FOCAD: variants seen among roughly 807,000 people sequenced by gnomAD.
FOCAD encodes focadhesin, also known as KIAA1797.
In FOCAD, 198 loss-of-function variants were observed where a neutral mutation model predicts 225.6. The ratio of observed to expected loss-of-function variants is 0.88; its 90% CI spans 0.78 to 0.99. The LOEUF is 0.99. FOCAD is among the 50% of genes least tolerant of loss of function. FOCAD has a pLI of 0.00. For synonymous variants in FOCAD, 897 were observed against 755.0 expected (o/e 1.19, Z -3.08); for missense variants, 2,713 against 2,123.6 (o/e 1.28, Z -5.46).
intron 11 of FOCAD, among the ~76,000 whole-genome samples, chr9:20,800,674 C>G (rs894787258): frequency 4.6e-5 from 7 of 152,118 alleles, no homozygotes; most frequent in Admixed American, 3.9e-4. Context: ...TCAAATAGTT[C>G]TCGTGCCGTG....
chr9:20,917,906 G>A (rs1281503724), intron 24 of FOCAD, among the ~76,000 whole-genome samples: 1 of 152,182 alleles, frequency 6.6e-6, no homozygotes, highest in Non-Finnish European at 1.5e-5. Flanking sequence ...TCAGTCTCAT[G>A]TCTTCTGGAT....
rs373037359 is a variant in FOCAD at position 20,764,822 on chromosome 9, T to C, written c.495-47T>C. 7.0e-5 allele frequency: 101 copies of C among 1,437,556 alleles called. No individual in the cohort carries two copies. In the African/African-American group the frequency reaches 1.3e-3, roughly 19 times the overall value. The allele number at this position is 1,437,556 out of a possible 1,614,324, so 89.1% of individuals were successfully genotyped here. ...TGATATTTGCCACTTACCTGCTTGATAGTGTGTTTAACTCAATAACTGGCT... is the reference window on the plus strand; with the variant it reads ...TGATATTTGCCACTTACCTGCTTGACAGTGTGTTTAACTCAATAACTGGCT... On this transcript the variant is annotated intron_variant, in intron 6 of 43. Coordinates refer to ENST00000338382, the MANE Select transcript of FOCAD (RefSeq NM_001375567.1).
chr9:20,929,706 C>A, intron 27 of FOCAD, 110 bp downstream of exon 27: 1 of 841,130 alleles, frequency 1.2e-6, no homozygotes, highest in Non-Finnish European at 1.9e-6. Context: ...TATGTGTTTG[C>A]TAAACTTTCT....
chr9:20,943,122 C>G (rs528416982), intron 28 of FOCAD, among the ~76,000 whole-genome samples: 5 of 152,170 alleles, frequency 3.3e-5, no homozygotes, highest in African/African-American at 1.2e-4. Flanking sequence ...GCTTTACATT[C>G]ATATTAATCA....
intron 2 of FOCAD, among the ~76,000 whole-genome samples, chr9:20,670,718 C>T (rs1386602129): frequency 6.6e-6 from 1 of 152,068 alleles, no homozygotes; most frequent in Non-Finnish European, 1.5e-5. Context: ...ACCATATCAT[C>T]TGTATTTTAT....
chr9:20,946,554 C>A (rs1837199919), intron 29 of FOCAD, 147 bp from the exon 30 acceptor site: 3 of 737,132 alleles, frequency 4.1e-6, no homozygotes, highest in South Asian at 1.9e-5. Flanking sequence ...ATAAGTTAGG[C>A]AGAAAAACAG....
At chr9:20,747,494 T>C (rs925116073) in intron 5 of FOCAD, among the ~76,000 whole-genome samples, 14 of 152,134 alleles carry the variant, frequency 9.2e-5, no homozygotes, top group Admixed American at 2.6e-4. Flanking sequence ...GTCAGTAGAT[T>C]TTATTATAGT....
At chr9:20,672,552 G>A (rs1178488220) in intron 2 of FOCAD, among the ~76,000 whole-genome samples, 1 of 152,160 alleles carries the variant, frequency 6.6e-6, no homozygotes, top group African/African-American at 2.4e-5. Context: ...CCGGGCTCAC[G>A]CCATTCTCCT....
At chr9:20,877,908 A>AC (rs1340300140) in intron 19 of FOCAD, among the ~76,000 whole-genome samples, 17 of 146,156 alleles carry the variant, frequency 1.2e-4, no homozygotes, top group South Asian at 2.1e-4. Context: ...TCCATCTCAA[A>AC]AAAACAAACA....
intron 18 of FOCAD, among the ~76,000 whole-genome samples, chr9:20,869,226 A>G (rs1288732436): frequency 6.6e-6 from 1 of 152,180 alleles, no homozygotes; most frequent in Non-Finnish European, 1.5e-5. Context: ...TGGTTTACAC[A>G]CAAGACTTAA....
chr9:20,805,619 T>A (rs1220294064), intron 11 of FOCAD, among the ~76,000 whole-genome samples: 1 of 152,174 alleles, frequency 6.6e-6, no homozygotes, highest in Non-Finnish European at 1.5e-5. Context: ...GCTTTCTTAT[T>A]TTATTGCCCA....
chr9:20,799,895 G>T (rs1209565687), intron 11 of FOCAD, among the ~76,000 whole-genome samples: 1 of 152,104 alleles, frequency 6.6e-6, no homozygotes, highest in East Asian at 1.9e-4. Flanking sequence ...TCATTATGAT[G>T]TTAGCTGGTT....
At chr9:20,799,653 A>G (rs1330673203) in intron 11 of FOCAD, among the ~76,000 whole-genome samples, 11 of 151,998 alleles carry the variant, frequency 7.2e-5, no homozygotes, top group Admixed American at 6.6e-4. Context: ...TGTTTTATCC[A>G]AGACTAGGAT....
intron 15 of FOCAD, among the ~76,000 whole-genome samples, chr9:20,826,616 T>C (rs1824918173): frequency 6.6e-6 from 1 of 152,126 alleles, no homozygotes; most frequent in African/African-American, 2.4e-5. Flanking sequence ...CTTCTGTCCC[T>C]CTAGAGAACC....
At chr9:20,726,768 T>A (rs1826232779) in intron 4 of FOCAD, among the ~76,000 whole-genome samples, 1 of 152,158 alleles carries the variant, frequency 6.6e-6, no homozygotes, top group African/African-American at 2.4e-5. Context: ...GTCTTCTCTT[T>A]TATTGATGAC....
intron 15 of FOCAD, among the ~76,000 whole-genome samples, chr9:20,841,022 G>A (rs565059635): frequency 3.3e-5 from 5 of 151,814 alleles, no homozygotes; most frequent in Non-Finnish European, 4.4e-5. Context: ...GATACGATAT[G>A]TCATATTGAA....
chr9:20,659,723 G>C (rs1233517451), intron 2 of FOCAD, among the ~76,000 whole-genome samples: 1 of 152,228 alleles, frequency 6.6e-6, no homozygotes, highest in Non-Finnish European at 1.5e-5. Context: ...AACTAATGTA[G>C]TAATAGTCAT....
Position 20,990,284 on chromosome 9 carries a change from C to T in FOCAD, c.5166C>T (p.His1722=), listed in dbSNP as rs527327370. The part of the protein sequence containing the change: ...VPSFLGRSPM[H]RVTLQEVLTL... Reference sequence around the variant, plus strand: ...GCTTCCTTGGCAGGAGTCCAATGCACAGGGTCACTCTGCAGGAGGTTCTCA... The same window carrying T: ...GCTTCCTTGGCAGGAGTCCAATGCATAGGGTCACTCTGCAGGAGGTTCTCA... Residue 1722 remains histidine, a synonymous_variant, in exon 42 of 44, where the codon CAC becomes CAT. Transcript: ENST00000338382. 1.4e-4 allele frequency: 233 copies of T among 1,614,084 alleles called. 1 individual carries two copies. The South Asian group carries it at 2.0e-3, about 14-fold the overall frequency.
chr9:20,833,508 G>C (rs1825713471), intron 15 of FOCAD, among the ~76,000 whole-genome samples: 1 of 151,968 alleles, frequency 6.6e-6, no homozygotes, highest in Non-Finnish European at 1.5e-5. Context: ...GCAGTACCTG[G>C]CTTGCTTTTT....
Sources: allele counts gnomAD v4.1 joint callset (sites outside exome capture counted in the v4.1 genomes callset), GRCh38; gene constraint gnomAD v4.1.1; transcripts MANE v1.5; gene names NCBI Gene and HGNC (gene_info 2026-07-23, HGNC 2026-07-21).